Variants in CEP128 observed in about 807,000 individuals in gnomAD.
CEP128 encodes the protein centrosomal protein 128.
Under a neutral mutation model 156.7 loss-of-function variants are expected in CEP128, and 132 were observed. That is an observed-to-expected ratio of 0.84 (90% CI 0.73 to 0.97). CEP128 has a LOEUF of 0.97. Ranked by LOEUF, CEP128 falls within the 50% of genes least tolerant of loss-of-function variation. The probability of loss-of-function intolerance (pLI) is 0.00; values close to 1 mark genes in which losing one functional copy is unlikely to be tolerated. For missense variants in CEP128, 1,252 were observed against 1,281.9 expected (o/e 0.98, Z 0.36); for synonymous variants, 469 against 448.9 (o/e 1.04, Z -0.57).
At chr14:80,881,498 G>A (rs1566690019) in intron 8 of CEP128, among the ~76,000 whole-genome samples, 1 of 112,182 alleles carries the variant, frequency 8.9e-6, no homozygotes, top group Non-Finnish European at 1.9e-5. Flanking sequence ...AACATTTAAA[G>A]AACTAATACT....
intron 19 of CEP128, among the ~76,000 whole-genome samples, chr14:80,639,748 A>C (rs1894333594): frequency 1.3e-5 from 2 of 152,306 alleles, no homozygotes; most frequent in South Asian, 4.1e-4. Context: ...GAAATTGAGG[A>C]GATAATTCAA....
chr14:80,666,800 G>A (rs1490107399), intron 19 of CEP128, among the ~76,000 whole-genome samples: 3 of 150,172 alleles, frequency 2.0e-5, no homozygotes, highest in Non-Finnish European at 3.0e-5. Flanking sequence ...CAGGGTAAGA[G>A]GGATAGAAAG....
At position 80,897,314 on chromosome 14, in the gene CEP128, C is replaced by T. The variant is rs185872425; in HGVS notation, c.573-1524G>A. On this transcript the variant is annotated intron_variant, in intron 7 of 24. Transcript: ENST00000555265. ...CTAAATATTATAACTCCTTGCAACT[C>T]AGTTCTGTCCTTGATATCCTCCCTA... 3.0e-4 allele frequency among the ~76,000 whole-genome samples: 46 copies of T among 152,260 alleles called. No individual in the cohort carries two copies. In the East Asian group the frequency reaches 8.7e-3, roughly 29 times the overall value.
intron 23 of CEP128, among the ~76,000 whole-genome samples, chr14:80,515,969 A>G (rs1888468871): frequency 6.6e-6 from 1 of 152,210 alleles, no homozygotes; most frequent in African/African-American, 2.4e-5. Flanking sequence ...CCCGGGTTCA[A>G]GCAATTCTGC....
intron 19 of CEP128, among the ~76,000 whole-genome samples, chr14:80,721,990 C>T (rs922961607): frequency 5.9e-5 from 9 of 152,120 alleles, no homozygotes; most frequent in African/African-American, 2.2e-4. Context: ...AAGGCTACTG[C>T]TGTCATGTGG....
In CEP128 at chr14:80,782,203, A is replaced by G. The variant is rs1352072488; in HGVS notation, c.2211+2692T>C. On this transcript the variant is annotated intron_variant, in intron 15 of 24. Transcript: ENST00000555265. ...CATGTGACCAATTAATGCCTTCACA[A>G]TATCTTAAATAGCCAAGTGTCCATC... Among the ~76,000 whole-genome samples the G allele has an allele frequency of 2.6e-5, 4 of 152,148 alleles. No homozygotes were observed. In the East Asian group the frequency reaches 7.7e-4, roughly 29 times the overall value.
At chr14:80,780,749 A>G (rs113326567) in intron 15 of CEP128, among the ~76,000 whole-genome samples, 8 of 152,326 alleles carry the variant, frequency 5.3e-5, no homozygotes, top group African/African-American at 1.7e-4. Context: ...TTAGGAGCAA[A>G]TGCTCTGATT....
At chr14:80,846,014 T>A (rs1886581692) in intron 9 of CEP128, among the ~76,000 whole-genome samples, 1 of 152,192 alleles carries the variant, frequency 6.6e-6, no homozygotes. Flanking sequence ...GCAGACATTT[T>A]TCATCATCGT....
chr14:80,538,826 G>A (rs113290567), intron 21 of CEP128, among the ~76,000 whole-genome samples: 108 of 152,218 alleles, frequency 7.1e-4, no homozygotes, highest in African/African-American at 2.3e-3. Context: ...AAGGCTCCCC[G>A]GCTTTCTCTG....
rs148838070 is a variant in CEP128, at chr14:80,702,594, C to G, written c.2806+40481G>C. ...TTTACATATATCAGTTCATTTGATACAACCACTTACCAGGTAATATTATCA... is the reference window on the plus strand; with the variant it reads ...TTTACATATATCAGTTCATTTGATAGAACCACTTACCAGGTAATATTATCA... On this transcript the variant is annotated intron_variant, in intron 19 of 24. Coordinates refer to ENST00000555265, the MANE Select transcript of CEP128 (RefSeq NM_152446.5). Among the ~76,000 whole-genome samples, 318 of 152,256 alleles carry G rather than the reference C, an allele frequency of 2.1e-3. 1 individual carries two copies. Among genetic ancestry groups the G allele is most frequent in the African/African-American group, 7.4e-3 (306 of 41,558 alleles).
intron 14 of CEP128, among the ~76,000 whole-genome samples, chr14:80,482,464 C>A (rs778915799): frequency 6.6e-6 from 1 of 152,168 alleles, no homozygotes; most frequent in Non-Finnish European, 1.5e-5. Flanking sequence ...CAGTTTCTTT[C>A]ATTGTGCATG....
chr14:80,953,971 A>G (rs1056220342), intron 2 of CEP128, among the ~76,000 whole-genome samples: 8 of 152,132 alleles, frequency 5.3e-5, no homozygotes, highest in Non-Finnish European at 1.2e-4. Context: ...GTAATTTTTA[A>G]AAAAACAACA....
chr14:80,665,215 G>T (rs1344968155), intron 19 of CEP128, among the ~76,000 whole-genome samples: 5 of 152,140 alleles, frequency 3.3e-5, no homozygotes, highest in African/African-American at 9.7e-5. Flanking sequence ...GGCCAGTGGG[G>T]TATGTGAAAC....
At chr14:80,784,790 A>G in intron 15 of CEP128, 105 bp downstream of exon 15, 2 of 988,834 alleles carry the variant, frequency 2.0e-6, no homozygotes, top group Non-Finnish European at 3.0e-6. Context: ...TCTTCCCTTC[A>G]GTGCTTGGGA....
rs181432069 is a variant in CEP128, at chr14:80,914,331, C to T, written c.225G>A (p.Ala75=). 64 of 1,612,440 alleles carry T rather than the reference C, an allele frequency of 4.0e-5. No homozygotes were observed. The East Asian group carries it at 1.2e-3, about 29-fold the overall frequency. ...AAATGTAGTTTCTCACATGTTCTAT[C>T]GCACCCGCCTGTCCATTACTGTATT... The part of the protein sequence containing the change: ...YREYSNGQAG[A]IEHLKESLEQ... The change falls in exon 4 of 25, where the codon GCG becomes GCA. Residue 75 remains alanine, a synonymous_variant. Coordinates refer to ENST00000555265, the MANE Select transcript of CEP128 (RefSeq NM_152446.5).
At chr14:80,872,911 A>C (rs1026999184) in intron 8 of CEP128, among the ~76,000 whole-genome samples, 6 of 152,190 alleles carry the variant, frequency 3.9e-5, no homozygotes, top group African/African-American at 1.4e-4. Context: ...GTTATTATTA[A>C]GTTTCACTTT....
Position 80,796,333 on chromosome 14 carries a change from G to A in CEP128, c.1210-3223C>T, listed in dbSNP as rs535018528. 7.9e-5 allele frequency among the ~76,000 whole-genome samples: 12 copies of A among 152,138 alleles called. No homozygotes were observed. The South Asian group carries it at 2.3e-3, about 29-fold the overall frequency. The stretch of plus-strand genomic sequence containing the variant: ...AAATTAGCTGGGTATGGTGGCACAC[G>A]CCTGTAATCCCAGCTACTCAGGAGG... On this transcript the variant is annotated intron_variant, in intron 13 of 24. Transcript: ENST00000555265.
At chr14:80,794,592 CAA>C (rs1475975879) in intron 13 of CEP128, among the ~76,000 whole-genome samples, 3 of 152,058 alleles carry the variant, frequency 2.0e-5, no homozygotes, top group African/African-American at 7.2e-5. Context: ...GATTCCTGAT[CAA>C]AAGAGAAATG....
intron 13 of CEP128, among the ~76,000 whole-genome samples, chr14:80,794,088 G>C (rs1419201841): frequency 2.0e-5 from 3 of 152,096 alleles, no homozygotes; most frequent in Non-Finnish European, 4.4e-5. Context: ...AACATAAAAA[G>C]GTCATGTGTC....
Sources: allele counts gnomAD v4.1 joint callset (sites outside exome capture counted in the v4.1 genomes callset), GRCh38; gene constraint gnomAD v4.1.1; transcripts MANE v1.5; gene names NCBI Gene and HGNC (gene_info 2026-07-23, HGNC 2026-07-21).